FOCAD: variants seen among roughly 807,000 people sequenced by gnomAD.
The protein encoded by FOCAD is focadhesin.
In FOCAD, 198 loss-of-function variants were observed where a neutral mutation model predicts 225.6. The observed-to-expected ratio is 0.88, with a 90% CI of 0.78 to 0.99. The LOEUF is 0.99. FOCAD is among the 50% of genes least tolerant of loss of function. The probability of loss-of-function intolerance (pLI) is 0.00; values close to 1 mark genes in which losing one functional copy is unlikely to be tolerated. For synonymous variants in FOCAD, 897 were observed against 755.0 expected, an observed-to-expected ratio of 1.19 and a Z score of -3.08; for missense variants, 2,713 against 2,123.6, an observed-to-expected ratio of 1.28 and a Z score of -5.46.
chr9:20,940,740 A>G (rs1299464950), intron 28 of FOCAD, among the ~76,000 whole-genome samples: 1 of 152,214 alleles, frequency 6.6e-6, no homozygotes, highest in African/African-American at 2.4e-5. Context: ...GTTTACAGAT[A>G]AAGAATGTGA....
intron 2 of FOCAD, among the ~76,000 whole-genome samples, chr9:20,662,361 G>A (rs1234637130): frequency 2.0e-5 from 3 of 152,120 alleles, no homozygotes; most frequent in South Asian, 2.1e-4. Flanking sequence ...TCAGCCTCGG[G>A]GGTAAAGAGC....
At position 20,753,960 on chromosome 9, in the gene FOCAD, G is replaced by A. The variant is rs544097616; in HGVS notation, c.393-4130G>A. On this transcript the variant is annotated intron_variant, in intron 5 of 43. Transcript: ENST00000338382. ...TTAGGCAACTTAGTATTCATAACTT[G>A]AATAGCTGGTTTGGGGATAATTAGA... Among the ~76,000 whole-genome samples the A allele has an allele frequency of 3.9e-5, 6 of 152,240 alleles. No homozygotes were observed. In the East Asian group the frequency reaches 9.7e-4, roughly 25 times the overall value.
intron 24 of FOCAD, among the ~76,000 whole-genome samples, chr9:20,918,584 C>T (rs1419413711): frequency 1.3e-5 from 2 of 152,028 alleles, no homozygotes; most frequent in Non-Finnish European, 1.5e-5. Flanking sequence ...ATTAGCCGGG[C>T]GTAATGGCGG....
At position 20,929,558 on chromosome 9, in the gene FOCAD, A is replaced by G. The variant is rs1361136894; in HGVS notation, c.3279A>G (p.Leu1093=). 6.2e-7 allele frequency: 1 copy of G among 1,614,144 alleles called. No homozygotes were observed. Among genetic ancestry groups the G allele is most frequent in the Admixed American group, 1.7e-5 (1 of 60,020 alleles). The change falls in exon 27 of 44, where the codon TTA becomes TTG. Residue 1093 remains leucine, a synonymous_variant. Coordinates refer to ENST00000338382, the MANE Select transcript of FOCAD (RefSeq NM_001375567.1). The part of the protein sequence containing the change: ...QAVQIHMGLA[L]GMFLSRLCEE... ...TGCAAATCCACATGGGCCTTGCTTT[A>G]GGGATGTTTCTCTCTCGCTTGTGTG... is the stretch of plus-strand genomic sequence containing the variant.
At chr9:20,794,583 G>A (rs1820864287) in intron 11 of FOCAD, among the ~76,000 whole-genome samples, 1 of 152,106 alleles carries the variant, frequency 6.6e-6, no homozygotes, top group South Asian at 2.1e-4. Flanking sequence ...GCTACAGATT[G>A]TTAGGACCGT....
At chr9:20,675,201 C>A (rs1587194914) in intron 2 of FOCAD, among the ~76,000 whole-genome samples, 1 of 152,122 alleles carries the variant, frequency 6.6e-6, no homozygotes, top group African/African-American at 2.4e-5. Flanking sequence ...AAGAAGAGAG[C>A]CATGGTTGGC....
chr9:20,777,946 C>G (rs1381235315), intron 8 of FOCAD, among the ~76,000 whole-genome samples: 4 of 151,606 alleles, frequency 2.6e-5, no homozygotes, highest in Non-Finnish European at 5.9e-5. Context: ...AAAAATTAGC[C>G]GGGCGCAGTG....
chr9:20,847,570 A>C (rs1184340248), intron 15 of FOCAD, among the ~76,000 whole-genome samples: 1 of 151,862 alleles, frequency 6.6e-6, no homozygotes, highest in Non-Finnish European at 1.5e-5. Context: ...TGGTGTGACA[A>C]GAATAGTTGT....
intron 15 of FOCAD, among the ~76,000 whole-genome samples, chr9:20,844,649 C>T (rs1398681446): frequency 2.0e-5 from 3 of 152,080 alleles, no homozygotes; most frequent in Non-Finnish European, 2.9e-5. Context: ...GTGTGAGCCA[C>T]TGTACCCGGC....
intron 15 of FOCAD, among the ~76,000 whole-genome samples, chr9:20,824,527 A>G (rs1210291711): frequency 1.3e-5 from 2 of 152,034 alleles, no homozygotes; most frequent in African/African-American, 4.8e-5. Flanking sequence ...TTTTTAATTC[A>G]TAAGAAATAC....
intron 24 of FOCAD, 86 bp from the exon 25 acceptor site, chr9:20,923,574 A>G: frequency 4.3e-6 from 4 of 936,470 alleles, no homozygotes; most frequent in Non-Finnish European, 6.6e-6. Flanking sequence ...TTGCTTTTTG[A>G]CTTCACCTGC....
chr9:20,954,859 GC>G (rs1347164681), intron 35 of FOCAD, among the ~76,000 whole-genome samples: 1 of 152,190 alleles, frequency 6.6e-6, no homozygotes, highest in Non-Finnish European at 1.5e-5. Flanking sequence ...AGGAGTGGGG[GC>G]CGTGGGAGGC....
At chr9:20,842,102 G>T (rs1408107471) in intron 15 of FOCAD, among the ~76,000 whole-genome samples, 1 of 149,594 alleles carries the variant, frequency 6.7e-6, no homozygotes, top group African/African-American at 2.5e-5. Context: ...TTATTCCATT[G>T]TGGTCAGAAA....
chr9:20,696,069 G>A (rs955496851), intron 1 of FOCAD, among the ~76,000 whole-genome samples: 6 of 152,146 alleles, frequency 3.9e-5, no homozygotes, highest in African/African-American at 9.7e-5. Flanking sequence ...AAATGATTTC[G>A]ACTTCTGCAT....
At position 20,819,896 on chromosome 9, in the gene FOCAD, A is replaced by T. The variant is rs746203793; in HGVS notation, c.1556A>T (p.His519Leu). Residue 519 changes from histidine to leucine, a missense_variant, in exon 12 of 44, where the codon CAC becomes CTC. Transcript: ENST00000338382. ...TATACTTTACCTAAGCTTGGTGTTC[A>T]CAAGGTTAGTATGTTAATTAATTTA... Reference protein sequence around the residue: ...ILYTLPKLGVHKVCIGQILRI... With the variant: ...ILYTLPKLGVLKVCIGQILRI... The T allele has an allele frequency of 6.6e-7, 1 of 1,503,936 alleles. No individual in the cohort carries two copies. The highest frequency in any genetic ancestry group is 9.0e-7 in the Non-Finnish European group (1 of 1,112,658). The allele number at this position is 1,503,936 out of a possible 1,614,324, so 93.2% of individuals were successfully genotyped here.
intron 35 of FOCAD, among the ~76,000 whole-genome samples, chr9:20,968,136 G>T (rs191852511): frequency 2.0e-5 from 3 of 152,122 alleles, no homozygotes; most frequent in Admixed American, 1.3e-4. Flanking sequence ...CTCTTTACTT[G>T]TTATAGGTCT....
chr9:20,960,057 GT>G (rs1363286106), intron 35 of FOCAD, among the ~76,000 whole-genome samples: 1 of 152,090 alleles, frequency 6.6e-6, no homozygotes, highest in Non-Finnish European at 1.5e-5. Flanking sequence ...TCCCAGTGAT[GT>G]TTTTAATAGA....
chr9:20,704,615 AATCT>A (rs1348197634), intron 1 of FOCAD, among the ~76,000 whole-genome samples: 2 of 152,326 alleles, frequency 1.3e-5, no homozygotes, highest in East Asian at 3.9e-4. Context: ...GTTTAAACTT[AATCT>A]ATCTGGCTGA....
chr9:20,879,603 A>G (rs1443534675), intron 19 of FOCAD, among the ~76,000 whole-genome samples: 1 of 152,142 alleles, frequency 6.6e-6, no homozygotes, highest in Admixed American at 6.6e-5. Context: ...TGTTTTGAGA[A>G]TTTATGTCTG....
Sources: allele counts gnomAD v4.1 joint callset (sites outside exome capture counted in the v4.1 genomes callset), GRCh38; gene constraint gnomAD v4.1.1; transcripts MANE v1.5; gene names NCBI Gene and HGNC (gene_info 2026-07-23, HGNC 2026-07-21).